The following EYS variants were observed in gnomAD, a reference collection of about 807,000 sequenced individuals.
EYS encodes protein eyes shut homolog.
Under a neutral mutation model 282.1 loss-of-function variants are expected in EYS, and 250 were observed. That is an observed-to-expected ratio of 0.89 (90% CI 0.80 to 0.98). The LOEUF (loss-of-function observed/expected upper bound fraction) is 0.98. Ranked by LOEUF, EYS falls within the 50% of genes least tolerant of loss-of-function variation. The pLI, the probability that EYS is intolerant of heterozygous loss-of-function variation, is 0.00. For missense variants in EYS, 4,016 were observed against 3,709.0 expected (o/e 1.08, Z -2.15); for synonymous variants, 1,355 against 1,282.9 (o/e 1.06, Z -1.20).
intron 13 of EYS, among the ~76,000 whole-genome samples, chr6:65,033,912 A>G (rs889625503): frequency 2.0e-5 from 3 of 152,200 alleles, no homozygotes; most frequent in Non-Finnish European, 4.4e-5. Flanking sequence ...CAAGAATTCA[A>G]TTCCAATCTG....
At chr6:64,550,023 G>A (rs538628211) in intron 26 of EYS, among the ~76,000 whole-genome samples, 45 of 152,226 alleles carry the variant, frequency 3.0e-4, no homozygotes, top group African/African-American at 1.0e-3. Context: ...TGCTGAGAAT[G>A]ATGGTTTCCC....
intron 2 of EYS, among the ~76,000 whole-genome samples, chr6:65,593,839 G>T (rs1239163803): frequency 6.6e-6 from 1 of 151,588 alleles, no homozygotes; most frequent in Non-Finnish European, 1.5e-5. Context: ...ATAATATTTT[G>T]CATTAAAAAT....
At chr6:65,014,364 G>A (rs1277825646) in intron 13 of EYS, among the ~76,000 whole-genome samples, 2 of 152,266 alleles carry the variant, frequency 1.3e-5, no homozygotes, top group East Asian at 1.9e-4. Flanking sequence ...AATAAAAAAT[G>A]TGACTTGTAT....
At chr6:64,957,047 A>T (rs533125169) in intron 14 of EYS, among the ~76,000 whole-genome samples, 2 of 152,328 alleles carry the variant, frequency 1.3e-5, no homozygotes, top group East Asian at 1.9e-4. Context: ...AGAGCTATCA[A>T]ATGATCCAGC....
At chr6:64,934,793 A>G (rs1768849886) in intron 15 of EYS, among the ~76,000 whole-genome samples, 1 of 151,898 alleles carries the variant, frequency 6.6e-6, no homozygotes. Flanking sequence ...ATGAAAAGAA[A>G]CTATAGAATC....
At position 64,308,214 on chromosome 6, in the gene EYS, TTG is replaced by T. The variant is rs777023067; in HGVS notation, c.6079-1134_6079-1133del. 6.6e-5 allele frequency among the ~76,000 whole-genome samples: 10 copies of T among 152,172 alleles called. No homozygotes were observed. In the East Asian group the frequency reaches 1.7e-3, roughly 26 times the overall value. The stretch of plus-strand genomic sequence containing the variant: ...ATTTGTGATATATTTTACATGCCTT[TTG>T]TGTTCTGCAGCCTGTCCTCCTTAGG... On this transcript the variant is annotated intron_variant, in intron 29 of 42. Transcript: ENST00000503581.
At chr6:64,188,537 A>C (rs541060988) in intron 31 of EYS, among the ~76,000 whole-genome samples, 3 of 152,102 alleles carry the variant, frequency 2.0e-5, no homozygotes, top group African/African-American at 7.2e-5. Context: ...GTGAGATTCA[A>C]ATTTAATTGG....
intron 30 of EYS, among the ~76,000 whole-genome samples, chr6:64,284,520 T>C (rs1441209545): frequency 1.3e-5 from 2 of 152,126 alleles, no homozygotes; most frequent in Admixed American, 6.5e-5. Context: ...TTCTGGGGTC[T>C]GGAGGATGAC....
chr6:64,054,978 T>C (rs1770932510), intron 33 of EYS, among the ~76,000 whole-genome samples: 1 of 152,182 alleles, frequency 6.6e-6, no homozygotes, highest in South Asian at 2.1e-4. Flanking sequence ...CAGACACTTA[T>C]TTATCCACCT....
At chr6:64,693,061 TG>T (rs944361665) in intron 22 of EYS, among the ~76,000 whole-genome samples, 2 of 149,720 alleles carry the variant, frequency 1.3e-5, no homozygotes, top group African/African-American at 4.9e-5. Flanking sequence ...GTTTATGATT[TG>T]ATAGGAATAT....
At chr6:65,009,490 C>A (rs1229568958) in intron 13 of EYS, among the ~76,000 whole-genome samples, 2 of 152,108 alleles carry the variant, frequency 1.3e-5, no homozygotes, top group African/African-American at 4.8e-5. Context: ...ATGTCTTTTT[C>A]TGCATCCCTG....
intron 12 of EYS, among the ~76,000 whole-genome samples, chr6:65,124,937 C>A (rs1324657337): frequency 1.3e-5 from 2 of 152,174 alleles, no homozygotes; most frequent in Non-Finnish European, 2.9e-5. Flanking sequence ...ATTGCCTTTT[C>A]TGCCTTCTTG....
chr6:65,129,876 T>A (rs1334745829), intron 12 of EYS, among the ~76,000 whole-genome samples: 1 of 151,932 alleles, frequency 6.6e-6, no homozygotes, highest in East Asian at 1.9e-4. Flanking sequence ...TTTGTAGTGT[T>A]ATTCACAATA....
At chr6:64,974,707 TAA>T (rs1562282876) in intron 14 of EYS, among the ~76,000 whole-genome samples, 1 of 151,904 alleles carries the variant, frequency 6.6e-6, no homozygotes, top group Admixed American at 6.6e-5. Flanking sequence ...ACTTCTCTCT[TAA>T]GTTTTCCATA....
intron 22 of EYS, among the ~76,000 whole-genome samples, chr6:64,736,594 G>T (rs1370251295): frequency 6.6e-6 from 1 of 152,086 alleles, no homozygotes; most frequent in Admixed American, 6.5e-5. Context: ...TCTCGTAATT[G>T]TTACTATTTT....
At chr6:63,802,370 C>T (rs1474252233) in intron 37 of EYS, among the ~76,000 whole-genome samples, 3 of 151,822 alleles carry the variant, frequency 2.0e-5, no homozygotes, top group Non-Finnish European at 2.9e-5. Flanking sequence ...ACCTAGATGA[C>T]AGATTGATAG....
rs114528000 is a variant in EYS at position 65,339,999 on chromosome 6, G to A, written c.1599+4039C>T. Reference sequence around the variant, plus strand: ...GAAACCTGTCTGAAGTTTAGTCAAGGTGAGGGAAAGAGGAAGGTTGTTTTG... The same window carrying A: ...GAAACCTGTCTGAAGTTTAGTCAAGATGAGGGAAAGAGGAAGGTTGTTTTG... On this transcript the variant is annotated intron_variant, in intron 10 of 42. Coordinates refer to ENST00000503581, the MANE Select transcript of EYS (RefSeq NM_001142800.2). Among the ~76,000 whole-genome samples, 987 of 151,318 alleles carry A rather than the reference G, an allele frequency of 6.5e-3. 12 individuals carry two copies. Among genetic ancestry groups the A allele is most frequent in the African/African-American group, 0.02 (840 of 41,452 alleles).
chr6:65,427,701 C>A (rs1767715386), intron 5 of EYS, among the ~76,000 whole-genome samples: 1 of 151,930 alleles, frequency 6.6e-6, no homozygotes, highest in Non-Finnish European at 1.5e-5. Context: ...CCACTGAATG[C>A]TGAATTATAT....
intron 35 of EYS, among the ~76,000 whole-genome samples, chr6:63,897,231 A>G (rs1030255482): frequency 3.3e-5 from 5 of 152,230 alleles, no homozygotes; most frequent in African/African-American, 1.2e-4. Flanking sequence ...TATCCAAAAC[A>G]TGTATTGAGG....
Sources: gnomAD v4.1 joint callset for allele counts (sites outside exome capture counted in the v4.1 genomes callset) on GRCh38, gnomAD v4.1.1 for gene constraint, MANE v1.5 for transcripts, NCBI Gene and HGNC (gene_info 2026-07-23, HGNC 2026-07-21) for gene names.